NALCN: variants seen among roughly 807,000 people sequenced by gnomAD.
NALCN encodes the protein sodium leak channel, non-selective, also known as sodium leak channel NALCN.
In NALCN, 111 loss-of-function variants were observed where a neutral mutation model predicts 225.3. That is an observed-to-expected ratio of 0.49 (90% CI 0.42 to 0.58). The LOEUF (loss-of-function observed/expected upper bound fraction) is 0.58. Among genes scored for constraint, NALCN ranks in the 20% least tolerant of loss-of-function variants. NALCN has a pLI of 0.00. For synonymous variants in NALCN, 764 were observed against 769.0 expected, an observed-to-expected ratio of 0.99 and a Z score of 0.11; for missense variants, 1,378 against 2,202.4, an observed-to-expected ratio of 0.63 and a Z score of 7.49.
chr13:101,331,328 T>C (rs890615787), intron 7 of NALCN, among the ~76,000 whole-genome samples: 1 of 152,192 alleles, frequency 6.6e-6, no homozygotes, highest in African/African-American at 2.4e-5. Flanking sequence ...AACAGGAATC[T>C]AAGATAAAAG....
intron 13 of NALCN, among the ~76,000 whole-genome samples, chr13:101,197,383 T>C (rs540230910): frequency 4.6e-4 from 70 of 152,274 alleles, no homozygotes; most frequent in Middle Eastern, 3.4e-3. Context: ...TGGCATGAAA[T>C]TGTAGCTCTT....
chr13:101,417,049 T>A (rs908717567), upstream of NALCN, among the ~76,000 whole-genome samples: 4 of 152,188 alleles, frequency 2.6e-5, no homozygotes, highest in Non-Finnish European at 5.9e-5. Context: ...TAAAATATGT[T>A]GTCGTGTGGA....
intron 3 of NALCN, among the ~76,000 whole-genome samples, chr13:101,389,102 A>G (rs2047071227): frequency 6.6e-6 from 1 of 152,234 alleles, no homozygotes; most frequent in Admixed American, 6.5e-5. Flanking sequence ...ATGCTTATCT[A>G]AACCTAGTGC....
intron 14 of NALCN, 134 bp from the exon 15 acceptor site, chr13:101,176,508 C>A: frequency 2.2e-6 from 1 of 462,278 alleles, no homozygotes; most frequent in Non-Finnish European, 3.6e-6. Context: ...AGTGATGAAT[C>A]ATTGCATAGG....
chr13:101,058,441 CAG>C, intron 42 of NALCN: 8 of 158,924 alleles, frequency 5.0e-5, no homozygotes, highest in South Asian at 1.7e-4. Flanking sequence ...CTACTGTCAC[CAG>C]CCTGGAGATC....
intron 12 of NALCN, 79 bp downstream of exon 12, chr13:101,237,676 G>T: frequency 1.3e-6 from 1 of 784,858 alleles, no homozygotes; most frequent in Non-Finnish European, 1.9e-6. Context: ...AATTCTATGT[G>T]GTTGTTAAAA....
At chr13:101,232,697 C>G (rs369038956) in intron 12 of NALCN, among the ~76,000 whole-genome samples, 1 of 152,034 alleles carries the variant, frequency 6.6e-6, no homozygotes, top group South Asian at 2.1e-4. Context: ...CCGCCTGCCT[C>G]GGCCTCCCAA....
chr13:101,394,025 AAG>A (rs1442192764), intron 3 of NALCN, among the ~76,000 whole-genome samples: 4 of 152,178 alleles, frequency 2.6e-5, no homozygotes, highest in African/African-American at 9.6e-5. Flanking sequence ...TGGTTATAAA[AAG>A]AGAAAATTTT....
intron 37 of NALCN, among the ~76,000 whole-genome samples, chr13:101,069,786 G>A (rs556456790): frequency 6.6e-6 from 1 of 152,222 alleles, no homozygotes; most frequent in East Asian, 1.9e-4. Context: ...AGCATCTTCT[G>A]CAAGAGTAGA....
intron 19 of NALCN, among the ~76,000 whole-genome samples, 184 bp downstream of exon 19, chr13:101,110,940 AT>A (rs1175712383): frequency 4.6e-5 from 7 of 152,110 alleles, no homozygotes; most frequent in Admixed American, 4.6e-4. Context: ...TGAAGTAGAG[AT>A]TTTTTTGAAT....
intron 10 of NALCN, among the ~76,000 whole-genome samples, chr13:101,279,347 T>C (rs2043070226): frequency 6.6e-6 from 1 of 152,150 alleles, no homozygotes; most frequent in Middle Eastern, 3.2e-3. Flanking sequence ...TCATGTGAGA[T>C]AAAATGCATA....
intron 18 of NALCN, 45 bp from the exon 19 acceptor site, chr13:101,111,271 C>A: frequency 6.6e-7 from 1 of 1,515,282 alleles, no homozygotes; most frequent in Non-Finnish European, 9.0e-7. Flanking sequence ...GGTTTGTACA[C>A]TTGAGATGAA....
intron 18 of NALCN, among the ~76,000 whole-genome samples, chr13:101,122,265 T>C (rs2036014790): frequency 6.6e-6 from 1 of 152,178 alleles, no homozygotes; most frequent in Non-Finnish European, 1.5e-5. Context: ...AAAAACAAAA[T>C]GGCTTTCTAA....
chr13:101,173,702 A>G (rs1297349760), intron 15 of NALCN, among the ~76,000 whole-genome samples: 1 of 152,184 alleles, frequency 6.6e-6, no homozygotes, highest in Non-Finnish European at 1.5e-5. Flanking sequence ...GAAACTTGAA[A>G]CATTAAGAAA....
intron 11 of NALCN, 46 bp from the exon 12 acceptor site, chr13:101,237,968 T>C: frequency 6.6e-7 from 1 of 1,510,470 alleles, no homozygotes; most frequent in Admixed American, 1.9e-5. Context: ...GAACTATAAT[T>C]TATTCTAAAT....
At position 101,254,845 on chromosome 13, in the gene NALCN, C is replaced by G. The variant is rs545386432; in HGVS notation, c.1266+3598G>C. 1.3e-4 allele frequency among the ~76,000 whole-genome samples: 9 copies of G among 69,908 alleles called. No individual in the cohort carries two copies. In the South Asian group the frequency reaches 2.2e-3, roughly 17 times the overall value. 45.9% of individuals were successfully genotyped at this position (69,908 alleles called of 152,430 possible). ...GGCGGAGCTTGCAGTGAGCCGAGAT[C>G]CCGCCACTGCACTCCAGCCTGGGCG... On this transcript the variant is annotated intron_variant, in intron 11 of 43. Transcript: ENST00000251127.
intron 11 of NALCN, among the ~76,000 whole-genome samples, chr13:101,246,188 A>G (rs936391566): frequency 1.3e-5 from 2 of 152,194 alleles, no homozygotes; most frequent in Non-Finnish European, 2.9e-5. Flanking sequence ...TCTACCAGTA[A>G]CAACAGCAGA....
chr13:101,383,535 T>C (rs1015755584), intron 3 of NALCN, among the ~76,000 whole-genome samples: 3 of 152,330 alleles, frequency 2.0e-5, no homozygotes, highest in African/African-American at 7.2e-5. Context: ...GGGTGACATA[T>C]AGCAGATATT....
intron 3 of NALCN, among the ~76,000 whole-genome samples, chr13:101,392,269 A>G (rs922576098): frequency 6.6e-6 from 1 of 152,122 alleles, no homozygotes; most frequent in Non-Finnish European, 1.5e-5. Flanking sequence ...TAAAATAAGG[A>G]AAATAATAAC....
Sources: allele counts gnomAD v4.1 joint callset (sites outside exome capture counted in the v4.1 genomes callset), GRCh38; gene constraint gnomAD v4.1.1; transcripts MANE v1.5; gene names NCBI Gene and HGNC (gene_info 2026-07-23, HGNC 2026-07-21).